APLF: variants seen among roughly 807,000 people sequenced by gnomAD.
APLF encodes the protein aprataxin and PNK-like factor.
In APLF, 61 loss-of-function variants were observed where a neutral mutation model predicts 55.6. That is an observed-to-expected ratio of 1.10 (90% confidence interval 0.89 to 1.36). APLF has a LOEUF of 1.36. Ranked by LOEUF, APLF falls within the 40% of genes most tolerant of loss-of-function variation. The pLI is 0.00. For missense variants in APLF, 611 were observed against 602.5 expected, an observed-to-expected ratio of 1.01 and a Z score of -0.15; for synonymous variants, 207 against 214.8, an observed-to-expected ratio of 0.96 and a Z score of 0.32.
In APLF at chr2:68,487,051, G is replaced by T. The variant is rs1033039670; in HGVS notation, c.97-3139G>T. On this transcript the variant is annotated intron_variant, in intron 1 of 9. Coordinates refer to ENST00000303795, the MANE Select transcript of APLF (RefSeq NM_173545.3). ...CATCAGTCATTTTCTTCTGTTGTCAGTGTGCTGTCTACTAAATCCTATCCA... is the reference window on the plus strand; with the variant it reads ...CATCAGTCATTTTCTTCTGTTGTCATTGTGCTGTCTACTAAATCCTATCCA... 5.3e-5 allele frequency among the ~76,000 whole-genome samples: 8 copies of T among 152,076 alleles called. 1 individual carries two copies. Among genetic ancestry groups the T allele is most frequent in the African/African-American group, 1.9e-4 (8 of 41,386 alleles).
intron 1 of APLF, among the ~76,000 whole-genome samples, chr2:68,477,692 T>G (rs541443726): frequency 6.6e-6 from 1 of 152,220 alleles, no homozygotes; most frequent in Non-Finnish European, 1.5e-5. Context: ...CTGGATAATT[T>G]ATGAAGGAAA....
chr2:68,571,702 A>G (rs1224873363), intron 9 of APLF, among the ~76,000 whole-genome samples: 1 of 152,140 alleles, frequency 6.6e-6, no homozygotes, highest in Non-Finnish European at 1.5e-5. Context: ...GTAGCCTTGT[A>G]GTATAGTTTG....
At chr2:68,500,784 G>A (rs1012556595) in intron 2 of APLF, among the ~76,000 whole-genome samples, 2 of 152,078 alleles carry the variant, frequency 1.3e-5, no homozygotes, top group Non-Finnish European at 2.9e-5. Context: ...GGGAGCCTTC[G>A]CCCAAAAGGA....
chr2:68,528,198 C>T (rs553635115), intron 6 of APLF: 10 of 878,042 alleles, frequency 1.1e-5, no homozygotes, highest in East Asian at 5.3e-5. Flanking sequence ...CCACCTGGGC[C>T]TCCCAAAGTG....
chr2:68,521,090 T>G (rs982754923), intron 5 of APLF, among the ~76,000 whole-genome samples: 4 of 151,906 alleles, frequency 2.6e-5, no homozygotes, highest in Non-Finnish European at 5.9e-5. Flanking sequence ...TTGTTTGTTT[T>G]TTTGCAGCTA....
At chr2:68,573,775 A>G (rs1671547946) in intron 9 of APLF, among the ~76,000 whole-genome samples, 1 of 152,060 alleles carries the variant, frequency 6.6e-6, no homozygotes, top group South Asian at 2.1e-4. Flanking sequence ...CCCCTGGTCT[A>G]GTCCTCTTTC....
intron 1 of APLF, among the ~76,000 whole-genome samples, chr2:68,472,752 A>T (rs776332825): frequency 2.0e-5 from 3 of 152,140 alleles, no homozygotes; most frequent in Non-Finnish European, 4.4e-5. Flanking sequence ...GGTGTGTTGG[A>T]TAATTGGGTA....
chr2:68,513,074 T>A lies in APLF; in HGVS notation c.342-6T>A, dbSNP rs1299208646. On this transcript the variant is annotated splice_polypyrimidine_tract_variant and splice_region_variant and intron_variant, in intron 3 of 9. Transcript: ENST00000303795. ...ATTAAAGACCAGTTTCTATTTTATCTTATAGAAACAGTCAAGTGCTTGATG... is the reference window on the plus strand; with the variant it reads ...ATTAAAGACCAGTTTCTATTTTATCATATAGAAACAGTCAAGTGCTTGATG... 2 of 1,593,806 alleles carry A rather than the reference T, an allele frequency of 1.3e-6. No individual in the cohort carries two copies. The highest frequency in any genetic ancestry group is 1.7e-6 in the Non-Finnish European group (2 of 1,169,952).
intron 4 of APLF, 30 bp from the exon 5 acceptor site, chr2:68,513,517 TA>T: frequency 6.9e-6 from 11 of 1,602,492 alleles, no homozygotes; most frequent in Non-Finnish European, 9.4e-6. Context: ...GATGTGTGAT[TA>T]TTTTTAGTAA....
intron 3 of APLF, 122 bp from the exon 4 acceptor site, chr2:68,512,958 T>A (rs911295644): frequency 1.3e-5 from 10 of 755,504 alleles, no homozygotes; most frequent in Non-Finnish European, 1.9e-5. Context: ...TCTAGTATAC[T>A]ATAATCTGCT....
chr2:68,557,654 G>A (rs1419722022), intron 8 of APLF, among the ~76,000 whole-genome samples: 2 of 152,180 alleles, frequency 1.3e-5, no homozygotes, highest in South Asian at 2.1e-4. Context: ...GCTCACACCT[G>A]TAATCCCAGC....
At chr2:68,570,536 A>G (rs1558557162) in intron 9 of APLF, among the ~76,000 whole-genome samples, 1 of 151,306 alleles carries the variant, frequency 6.6e-6, no homozygotes, top group Admixed American at 6.6e-5. Context: ...AAGTGAGAAC[A>G]TGTGGTGTTT....
At chr2:68,526,942 A>G (rs879278529) in intron 6 of APLF, among the ~76,000 whole-genome samples, 21 of 152,276 alleles carry the variant, frequency 1.4e-4, no homozygotes, top group Admixed American at 2.6e-4. Context: ...GTAAACTTTA[A>G]TGTCGAAAAT....
chr2:68,517,782 T>C (rs1669669299), intron 5 of APLF, among the ~76,000 whole-genome samples: 1 of 145,222 alleles, frequency 6.9e-6, no homozygotes, highest in South Asian at 2.2e-4. Context: ...AATATATCAC[T>C]AATATAATGT....
At chr2:68,527,483 C>T (rs1299906951) in intron 6 of APLF, among the ~76,000 whole-genome samples, 1 of 128,384 alleles carries the variant, frequency 7.8e-6, no homozygotes, top group Non-Finnish European at 1.7e-5. Context: ...GGTGCTCCTC[C>T]TCAATTCCCA....
At chr2:68,497,657 ATTAG>A (rs1295719740) in intron 2 of APLF, among the ~76,000 whole-genome samples, 2 of 151,456 alleles carry the variant, frequency 1.3e-5, no homozygotes, top group East Asian at 3.9e-4. Context: ...CCCACTCTGT[ATTAG>A]TTAAATGACC....
intron 9 of APLF, among the ~76,000 whole-genome samples, chr2:68,568,874 C>G (rs1311580145): frequency 6.6e-6 from 1 of 151,968 alleles, no homozygotes; most frequent in East Asian, 1.9e-4. Context: ...AAGTTTAAGG[C>G]TATAGGTTTA....
rs748303230 is a variant in APLF at position 68,567,370 on chromosome 2, G to A, written c.1316G>A (p.Arg439Lys). The A allele has an allele frequency of 6.2e-7, 1 of 1,603,004 alleles. No individual in the cohort carries two copies. The highest frequency in any genetic ancestry group is 1.1e-5 in the South Asian group (1 of 89,152). ...AATCCCCAGCACAAGATAGAATATA[G>A]ACATAATACGCTTCCAGGTAAGTAA... ...RKNPQHKIEY[R>K]HNTLPVRNVL... The change falls in exon 9 of 10, where the codon AGA becomes AAA. Residue 439 changes from arginine to lysine, a missense_variant. Arg to Lys is a conservative substitution (Grantham distance 26, BLOSUM62 2). Coordinates refer to ENST00000303795, the MANE Select transcript of APLF (RefSeq NM_173545.3).
intron 1 of APLF, among the ~76,000 whole-genome samples, chr2:68,484,538 A>C (rs1257851480): frequency 2.6e-5 from 4 of 152,056 alleles, no homozygotes; most frequent in African/African-American, 9.7e-5. Context: ...CATGTAAAAA[A>C]AAAATTAGCC....
Sources: allele counts gnomAD v4.1 joint callset (sites outside exome capture counted in the v4.1 genomes callset), GRCh38; gene constraint gnomAD v4.1.1; transcripts MANE v1.5; gene names NCBI Gene and HGNC (gene_info 2026-07-23, HGNC 2026-07-21).